The following FSTL4 variants were observed in gnomAD, a reference collection of about 807,000 sequenced individuals.
FSTL4 encodes follistatin-related protein 4.
A neutral mutation model predicts 78.2 loss-of-function variants in FSTL4; 28 were observed. The ratio of observed to expected loss-of-function variants is 0.36; its 90% CI spans 0.27 to 0.49. The LOEUF (loss-of-function observed/expected upper bound fraction) is 0.49. FSTL4 is among the 20% of genes least tolerant of loss of function. The pLI, the probability that FSTL4 is intolerant of heterozygous loss-of-function variation, is 0.98. For synonymous variants in FSTL4, 422 were observed against 440.5 expected (o/e 0.96, Z 0.53); for missense variants, 922 against 1,084.9 (o/e 0.85, Z 2.11).
At chr5:133,656,569 G>A in the FSTL4 span, among the ~76,000 whole-genome samples, 1 of 152,088 alleles carries the variant, frequency 6.6e-6, no homozygotes, top group Non-Finnish European at 1.5e-5. Context: ...CGTTCTGGGT[G>A]GAAGGGACAT....
At chr5:133,732,125 G>A in the FSTL4 span, among the ~76,000 whole-genome samples, 1 of 152,200 alleles carries the variant, frequency 6.6e-6, no homozygotes, top group African/African-American at 2.4e-5. Context: ...CTAGAGCCAG[G>A]TATCTCTATC....
chr5:133,409,471 G>T (rs1023474690), intron 3 of FSTL4, among the ~76,000 whole-genome samples: 3 of 152,208 alleles, frequency 2.0e-5, no homozygotes, highest in Non-Finnish European at 2.9e-5. Context: ...CATTTCCAGA[G>T]CTTTCCCCCC....
chr5:133,609,426 A>C (rs1052232747), intron 1 of FSTL4, among the ~76,000 whole-genome samples: 1 of 152,202 alleles, frequency 6.6e-6, no homozygotes, highest in South Asian at 2.1e-4. Context: ...GGGGGAAAAA[A>C]AGCCACATCA....
At chr5:133,488,598 G>T (rs564376833) in intron 3 of FSTL4, among the ~76,000 whole-genome samples, 2 of 152,342 alleles carry the variant, frequency 1.3e-5, no homozygotes, top group African/African-American at 4.8e-5. Flanking sequence ...TTGATGACGG[G>T]ACATGTCCTT....
chr5:133,304,329 C>T (rs538683493), intron 6 of FSTL4, among the ~76,000 whole-genome samples: 4 of 152,206 alleles, frequency 2.6e-5, no homozygotes, highest in South Asian at 2.1e-4. Context: ...TGCAAAATTT[C>T]GAGCTTTATG....
chr5:133,741,292 G>C, the FSTL4 span, among the ~76,000 whole-genome samples: 2 of 152,208 alleles, frequency 1.3e-5, no homozygotes, highest in African/African-American at 4.8e-5. Flanking sequence ...GAGCAAGATG[G>C]GTAGAACAAG....
At chr5:133,435,596 G>A (rs890629755) in intron 3 of FSTL4, among the ~76,000 whole-genome samples, 2 of 152,186 alleles carry the variant, frequency 1.3e-5, no homozygotes, top group South Asian at 2.1e-4. Flanking sequence ...GAAAATAACT[G>A]ATGATCCTTT....
chr5:133,669,069 C>T, the FSTL4 span, among the ~76,000 whole-genome samples: 1 of 152,330 alleles, frequency 6.6e-6, no homozygotes, highest in East Asian at 1.9e-4. Context: ...TCCAGCCTCA[C>T]AGAGGTAGCA....
intron 7 of FSTL4, among the ~76,000 whole-genome samples, chr5:133,237,336 A>G (rs1176413905): frequency 6.6e-6 from 1 of 152,098 alleles, no homozygotes; most frequent in East Asian, 1.9e-4. Context: ...CCCGCTACTG[A>G]TGACTTGTGC....
intron 6 of FSTL4, among the ~76,000 whole-genome samples, chr5:133,286,204 C>T (rs1351126846): frequency 1.3e-5 from 2 of 152,256 alleles, no homozygotes; most frequent in Non-Finnish European, 2.9e-5. Context: ...AATTTCTTAA[C>T]CTCTCTGGAC....
At chr5:133,721,956 C>G in the FSTL4 span, among the ~76,000 whole-genome samples, 1 of 152,138 alleles carries the variant, frequency 6.6e-6, no homozygotes, top group Admixed American at 6.5e-5. Flanking sequence ...CATAGACTGT[C>G]TTCACTGTTT....
At chr5:133,694,813 G>T in the FSTL4 span, among the ~76,000 whole-genome samples, 3 of 152,182 alleles carry the variant, frequency 2.0e-5, no homozygotes, top group Non-Finnish European at 4.4e-5. Flanking sequence ...TTTGCAGATG[G>T]CCATCTTCTT....
chr5:133,239,250 C>T (rs575008560), intron 7 of FSTL4, among the ~76,000 whole-genome samples: 1 of 140,582 alleles, frequency 7.1e-6, no homozygotes, highest in African/African-American at 2.5e-5. Flanking sequence ...TCCCTGCCAA[C>T]GTGGGCTCCT....
At position 133,426,778 on chromosome 5, in the gene FSTL4, G is replaced by C. The variant is rs565784638; in HGVS notation, c.161-25792C>G. Among the ~76,000 whole-genome samples, 3 of 152,308 alleles carry C rather than the reference G, an allele frequency of 2.0e-5. No homozygotes were observed. Among genetic ancestry groups the C allele is most frequent in the South Asian group, 4.1e-4 (2 of 4,830 alleles). ...TAATAATGCACTGATAGAAGCTCCA[G>C]TTCCCTTCTTTAGTTTAGCAAACAC... On this transcript the variant is annotated intron_variant, in intron 3 of 15. Transcript: ENST00000265342. The surrounding 1 kb of genome is among the most constrained non-coding windows in gnomAD (Gnocchi z 5.0).
chr5:133,217,752 G>A (rs1750961853), intron 12 of FSTL4, among the ~76,000 whole-genome samples: 1 of 151,938 alleles, frequency 6.6e-6, no homozygotes, highest in Non-Finnish European at 1.5e-5. Flanking sequence ...TAACACTCTG[G>A]CTCTAGTCCT....
intron 3 of FSTL4, among the ~76,000 whole-genome samples, chr5:133,477,306 C>G (rs1465646362): frequency 6.6e-6 from 1 of 152,206 alleles, no homozygotes; most frequent in African/African-American, 2.4e-5. Flanking sequence ...AAATTTCTCA[C>G]AGATAACCAA....
At chr5:133,629,271 C>CATTTATTG in the FSTL4 span, among the ~76,000 whole-genome samples, 1 of 152,068 alleles carries the variant, frequency 6.6e-6, no homozygotes, top group Non-Finnish European at 1.5e-5. Flanking sequence ...TGATGGATTA[C>CATTTATTG]ATTTATTGAT....
chr5:133,393,391 G>C (rs899391468), intron 4 of FSTL4, among the ~76,000 whole-genome samples: 23 of 152,316 alleles, frequency 1.5e-4, no homozygotes, highest in African/African-American at 5.5e-4. Context: ...GTATCCTCAG[G>C]TCCTGGCACA....
intron 6 of FSTL4, chr5:133,269,942 CCTGCT>C (rs1752732118): frequency 2.0e-5 from 3 of 152,266 alleles, no homozygotes. Flanking sequence ...TGCCCACGCA[CCTGCT>C]CTGCTTCTCT....
Sources: allele counts gnomAD v4.1 joint callset (sites outside exome capture counted in the v4.1 genomes callset), GRCh38; gene constraint gnomAD v4.1.1; non-coding constraint Gnocchi (gnomAD v3.1); transcripts MANE v1.5; gene names NCBI Gene and HGNC (gene_info 2026-07-23, HGNC 2026-07-21).